Variants in MRPL13 observed in about 807,000 individuals in gnomAD.
MRPL13 encodes the protein mitochondrial ribosomal protein L13.
In MRPL13, 33 loss-of-function variants were observed where a neutral mutation model predicts 29.0. The observed-to-expected ratio is 1.14, with a 90% CI of 0.86 to 1.52. The LOEUF is 1.52. Ranked by LOEUF, MRPL13 falls within the 40% of genes most tolerant of loss-of-function variation. MRPL13 has a pLI of 0.00. For missense variants in MRPL13, 227 were observed against 216.7 expected (o/e 1.05, Z -0.30); for synonymous variants, 77 against 68.4 (o/e 1.13, Z -0.62).
chr8:120,425,955 G>A (rs1812927139), intron 3 of MRPL13, among the ~76,000 whole-genome samples: 1 of 151,980 alleles, frequency 6.6e-6, no homozygotes. Context: ...GAATAGTACT[G>A]GAGGCAGCTT....
chr8:120,407,653 CAA>C, intron 6 of MRPL13, among the ~76,000 whole-genome samples: 1 of 119,544 alleles, frequency 8.4e-6, no homozygotes, highest in African/African-American at 4.4e-5. Context: ...CCATCTAAAA[CAA>C]AACAAAACAA....
chr8:120,424,287 A>G (rs1055142525), intron 4 of MRPL13, among the ~76,000 whole-genome samples: 1 of 152,120 alleles, frequency 6.6e-6, no homozygotes, highest in Non-Finnish European at 1.5e-5. Flanking sequence ...CTAACACTAA[A>G]CCTTCAAAAT....
intron 3 of MRPL13, among the ~76,000 whole-genome samples, chr8:120,428,899 T>C (rs1047173903): frequency 1.3e-5 from 2 of 152,160 alleles, no homozygotes; most frequent in Non-Finnish European, 1.5e-5. Context: ...TTTTACACTG[T>C]TGGTGGGAGT....
At chr8:120,422,161 A>G (rs1241382691) in intron 4 of MRPL13, among the ~76,000 whole-genome samples, 3 of 151,676 alleles carry the variant, frequency 2.0e-5, no homozygotes, top group Admixed American at 6.6e-5. Context: ...CTTCCCCCCA[A>G]CCTTACCAAG....
intron 4 of MRPL13, among the ~76,000 whole-genome samples, chr8:120,424,249 A>G (rs1361990322): frequency 6.6e-6 from 1 of 152,188 alleles, no homozygotes; most frequent in Non-Finnish European, 1.5e-5. Context: ...ATTGTTTAGA[A>G]AGATTCCAAT....
intron 6 of MRPL13, among the ~76,000 whole-genome samples, chr8:120,408,574 T>C (rs1188402293): frequency 2.0e-5 from 3 of 152,174 alleles, no homozygotes; most frequent in Non-Finnish European, 4.4e-5. Context: ...TAGTAACTGC[T>C]GACTGTGAAG....
At chr8:120,411,228 A>AT (rs1339451713) in intron 6 of MRPL13, among the ~76,000 whole-genome samples, 1 of 151,786 alleles carries the variant, frequency 6.6e-6, no homozygotes, top group Admixed American at 6.6e-5. Flanking sequence ...CACCTGGCTA[A>AT]TTTTTTTGTT....
chr8:120,442,798 GAA>G (rs1813139308), intron 2 of MRPL13, among the ~76,000 whole-genome samples: 1 of 152,106 alleles, frequency 6.6e-6, no homozygotes, highest in Admixed American at 6.6e-5. Context: ...TTTTCTAGGG[GAA>G]AAGATTTTTT....
intron 6 of MRPL13, among the ~76,000 whole-genome samples, chr8:120,407,248 GA>G (rs1295060308): frequency 1.3e-5 from 2 of 152,050 alleles, no homozygotes; most frequent in Non-Finnish European, 2.9e-5. Context: ...TTAACATTAG[GA>G]AAAAACTTTT....
At chr8:120,438,685 C>T (rs923699348) in intron 2 of MRPL13, among the ~76,000 whole-genome samples, 1 of 152,132 alleles carries the variant, frequency 6.6e-6, no homozygotes, top group Admixed American at 6.5e-5. Flanking sequence ...AAACTCAGTA[C>T]AAGTGGTTAA....
chr8:120,431,941 A>C, intron 3 of MRPL13, 89 bp downstream of exon 3: 1 of 940,644 alleles, frequency 1.1e-6, no homozygotes, highest in Non-Finnish European at 1.5e-6. Context: ...ATTTTTAAAA[A>C]TATCTTTTTT....
chr8:120,425,550 C>T (rs923540780), intron 3 of MRPL13, among the ~76,000 whole-genome samples, 184 bp from the exon 4 acceptor site: 1 of 152,098 alleles, frequency 6.6e-6, no homozygotes, highest in African/African-American at 2.4e-5. Flanking sequence ...TGGTCAACTA[C>T]CATTATATCA....
chr8:120,396,185 T>C (rs943555023), intron 6 of MRPL13, 60 bp from the exon 7 acceptor site: 1 of 1,259,384 alleles, frequency 7.9e-7, no homozygotes, highest in East Asian at 2.5e-5. Flanking sequence ...TCCTGACTGA[T>C]GAGGATTATT....
intron 6 of MRPL13, among the ~76,000 whole-genome samples, chr8:120,396,812 G>A (rs1322828531): frequency 6.6e-6 from 1 of 152,162 alleles, no homozygotes; most frequent in Admixed American, 6.5e-5. Context: ...TGTAGGTGTT[G>A]GGTTTCCATA....
chr8:120,407,645 A>G lies in MRPL13; in HGVS notation c.515+6346T>C, dbSNP rs377731852. ...GCCTGGGCAAAAAGAGCAAAACTCCATCTAAAACAAAACAAAACAAAACAA... is the reference window on the plus strand; with the variant it reads ...GCCTGGGCAAAAAGAGCAAAACTCCGTCTAAAACAAAACAAAACAAAACAA... On this transcript the variant is annotated intron_variant, in intron 6 of 6. Coordinates refer to ENST00000306185, the MANE Select transcript of MRPL13 (RefSeq NM_014078.6). Among the ~76,000 whole-genome samples, 119 of 147,896 alleles carry G rather than the reference A, an allele frequency of 8.0e-4. 1 individual carries two copies. Among genetic ancestry groups the G allele is most frequent in the African/African-American group, 2.9e-3 (112 of 38,600 alleles).
At chr8:120,426,637 T>A (rs1812934417) in intron 3 of MRPL13, among the ~76,000 whole-genome samples, 1 of 152,196 alleles carries the variant, frequency 6.6e-6, no homozygotes, top group African/African-American at 2.4e-5. Context: ...AAAGCTAATG[T>A]AAAATTTTGA....
At chr8:120,423,194 C>T (rs1256234139) in intron 4 of MRPL13, among the ~76,000 whole-genome samples, 2 of 151,842 alleles carry the variant, frequency 1.3e-5, no homozygotes, top group African/African-American at 4.8e-5. Context: ...TGAAAAGATA[C>T]AGAACTGGAA....
At position 120,419,859 on chromosome 8, in the gene MRPL13, G is replaced by A; in HGVS notation, c.386C>T (p.Pro129Leu). ...RTMMERLHLF[P>L]DEYIPEDILK... is the part of the protein sequence containing the mutation. ...CAATGACCACTGACTTACCTCATCTGGAAAAAGATGCAACCTTTCCATCAT... is the reference window on the plus strand; with the variant it reads ...CAATGACCACTGACTTACCTCATCTAGAAAAAGATGCAACCTTTCCATCAT... Residue 129 changes from proline to leucine, a missense_variant, in exon 5 of 7, where the codon CCA becomes CTA. Pro to Leu is a moderately conservative substitution (Grantham distance 98). Transcript: ENST00000306185. 6.3e-7 allele frequency: 1 copy of A among 1,588,638 alleles called. No homozygotes were observed. Among genetic ancestry groups the A allele is most frequent in the South Asian group, 1.2e-5 (1 of 86,290 alleles).
intron 6 of MRPL13, among the ~76,000 whole-genome samples, chr8:120,412,957 G>A (rs1344325693): frequency 2.0e-5 from 3 of 152,070 alleles, no homozygotes; most frequent in Admixed American, 6.5e-5. Context: ...AAATTGTACT[G>A]ACTCACTAGA....
Sources: allele counts gnomAD v4.1 joint callset (sites outside exome capture counted in the v4.1 genomes callset), GRCh38; gene constraint gnomAD v4.1.1; transcripts MANE v1.5; gene names NCBI Gene and HGNC (gene_info 2026-07-23, HGNC 2026-07-21).